LPP: variants seen among roughly 807,000 people sequenced by gnomAD.
LPP encodes the protein lipoma-preferred partner.
LPP carries 38 observed loss-of-function variants against 60.4 expected under a neutral mutation model. The ratio of observed to expected loss-of-function variants is 0.63; its 90% CI spans 0.49 to 0.83. The LOEUF (loss-of-function observed/expected upper bound fraction) is 0.83, where lower values mean the gene tolerates loss of function less well. Ranked by LOEUF, LPP falls within the 40% of genes least tolerant of loss-of-function variation. The pLI is 0.00. For synonymous variants in LPP, 328 were observed against 290.8 expected, an observed-to-expected ratio of 1.13 and a Z score of -1.30; for missense variants, 902 against 783.6, an observed-to-expected ratio of 1.15 and a Z score of -1.80.
chr3:188,260,323 G>A lies in LPP; in HGVS notation c.-67+34796G>A, dbSNP rs573913030. 2.4e-3 allele frequency among the ~76,000 whole-genome samples: 358 copies of A among 152,226 alleles called. 1 individual carries two copies. Among genetic ancestry groups the A allele is most frequent in the Non-Finnish European group, 4.0e-3 (269 of 68,022 alleles). ...CTCACAAAGTGCTGGGATTAGAGGC[G>A]TGAGCCACTGTGCCTGGCCACTTCC... On this transcript the variant is annotated intron_variant, in intron 2 of 11. Coordinates refer to ENST00000617246, the MANE Select transcript of LPP (RefSeq NM_001375462.1).
At chr3:188,706,532 A>C (rs1865510438) in intron 7 of LPP, among the ~76,000 whole-genome samples, 1 of 152,242 alleles carries the variant, frequency 6.6e-6, no homozygotes, top group Non-Finnish European at 1.5e-5. Flanking sequence ...ATTTTAGAGA[A>C]AAGGCCAAAT....
chr3:188,737,016 TA>T (rs1023863088), intron 8 of LPP, among the ~76,000 whole-genome samples: 16 of 151,952 alleles, frequency 1.1e-4, no homozygotes, highest in African/African-American at 2.9e-4. Context: ...CAAATTTATA[TA>T]AAAAAATGGG....
intron 6 of LPP, among the ~76,000 whole-genome samples, chr3:188,588,772 G>T (rs1236824855): frequency 6.6e-6 from 1 of 152,042 alleles, no homozygotes; most frequent in Admixed American, 6.6e-5. Context: ...TTGTTTGCTG[G>T]AAACAGGATC....
chr3:188,783,808 C>T (rs1399861632), intron 9 of LPP, among the ~76,000 whole-genome samples: 3 of 152,064 alleles, frequency 2.0e-5, no homozygotes, highest in Non-Finnish European at 4.4e-5. Flanking sequence ...TAGCTGAGGA[C>T]ATCAGGGACT....
chr3:188,708,231 T>A, intron 7 of LPP, 36 bp from the exon 8 acceptor site: 1 of 1,610,946 alleles, frequency 6.2e-7, no homozygotes, highest in Non-Finnish European at 8.5e-7. Flanking sequence ...ATGGTCTAGG[T>A]GGCAATTAAA....
intron 9 of LPP, among the ~76,000 whole-genome samples, chr3:188,765,882 T>C (rs1000248315): frequency 1.7e-4 from 25 of 143,466 alleles, no homozygotes; most frequent in Non-Finnish European, 3.2e-4. Flanking sequence ...TTTTTTTTTT[T>C]TTTTTGGAGA....
rs560211647 is a variant in LPP, at chr3:188,676,943, C to T, written c.1114-31324C>T. Among the ~76,000 whole-genome samples, 3 of 152,288 alleles carry T rather than the reference C, an allele frequency of 2.0e-5. No individual in the cohort carries two copies. In the East Asian group the frequency reaches 5.8e-4, roughly 29 times the overall value. On this transcript the variant is annotated intron_variant, in intron 7 of 11. Transcript: ENST00000617246. The stretch of plus-strand genomic sequence containing the variant: ...CCCTTGTAGGCTTTAAAGAAACAGG[C>T]TGCCATGTTGTCAGCTGCCACCTGG...
chr3:188,803,045 C>CTTTTTTTTTTT lies in LPP; in HGVS notation c.1410+42770_1410+42780dup, dbSNP rs374563246. Among the ~76,000 whole-genome samples, 13 of 130,476 alleles carry CTTTTTTTTTTT rather than the reference C, an allele frequency of 1.0e-4. 4 individuals carry two copies. The highest frequency in any genetic ancestry group is 1.4e-4 in the Non-Finnish European group (9 of 62,748). 85.6% of individuals were successfully genotyped at this position (130,476 alleles called of 152,430 possible). A position where few individuals can be genotyped will look rare whatever the true frequency, so the allele number is the denominator to read the frequency against. On this transcript the variant is annotated intron_variant, in intron 9 of 11. Coordinates refer to ENST00000617246, the MANE Select transcript of LPP (RefSeq NM_001375462.1). ...GATTAAAATACTTTTGTTGTATATGCTTTTTTTTTTTTTTTTTGAGACAGG... is the reference window on the plus strand; with the variant it reads ...GATTAAAATACTTTTGTTGTATATGCTTTTTTTTTTTTTTTTTTTTTTTTTTTTGAGACAGG...
In LPP at chr3:188,217,283, CA is replaced by C. The variant is rs1714015308; in HGVS notation, c.-189-8119del. Among the ~76,000 whole-genome samples, 1 of 152,074 alleles carries C rather than the reference CA, an allele frequency of 6.6e-6. No homozygotes were observed. The highest frequency in any genetic ancestry group is 6.6e-5 in the Admixed American group (1 of 15,254). On this transcript the variant is annotated intron_variant, in intron 1 of 11. Coordinates refer to ENST00000617246, the MANE Select transcript of LPP (RefSeq NM_001375462.1). The surrounding 1 kb of genome is among the most constrained non-coding windows in gnomAD (Gnocchi z 4.0). ...CTGCAGGCAGTGGAGACGGTCAATG[CA>C]AAGGTCAAGGCTGTGAAGTGGGAAG...
Position 188,605,095 on chromosome 3 carries a change from T to TG in LPP, c.430-4065dup. 2.0e-5 allele frequency among the ~76,000 whole-genome samples: 3 copies of TG among 152,256 alleles called. 1 individual carries two copies. In the Middle Eastern group the frequency reaches 0.01, roughly 518 times the overall value. On this transcript the variant is annotated intron_variant, in intron 6 of 11. Transcript: ENST00000617246. ...TGCATCCATCATTCCCCTAACCTGT[T>TG]GAAGATTTTTGAGCAGGAAAGCAAT...
chr3:188,715,072 C>G (rs1713255611), intron 8 of LPP, among the ~76,000 whole-genome samples: 1 of 152,028 alleles, frequency 6.6e-6, no homozygotes, highest in Non-Finnish European at 1.5e-5. Context: ...AAAGGAGGCT[C>G]TCAGTTCTAG....
At chr3:188,601,861 G>T (rs1017695846) in intron 6 of LPP, among the ~76,000 whole-genome samples, 3 of 151,898 alleles carry the variant, frequency 2.0e-5, no homozygotes, top group Non-Finnish European at 4.4e-5. Flanking sequence ...TTGAGGTCAG[G>T]AGTTCCAGAC....
At chr3:188,271,729 T>C (rs1298341757) in intron 2 of LPP, among the ~76,000 whole-genome samples, 1 of 152,186 alleles carries the variant, frequency 6.6e-6, no homozygotes, top group Non-Finnish European at 1.5e-5. Context: ...CAAACCAAAG[T>C]TGTCCTCTTC....
intron 8 of LPP, among the ~76,000 whole-genome samples, chr3:188,749,895 C>G (rs890505052): frequency 6.6e-6 from 1 of 152,150 alleles, no homozygotes; most frequent in African/African-American, 2.4e-5. Context: ...ACTGTATGGA[C>G]AAAATCTTTT....
intron 2 of LPP, among the ~76,000 whole-genome samples, chr3:188,254,190 CA>C (rs1730882203): frequency 6.6e-6 from 1 of 152,128 alleles, no homozygotes; most frequent in African/African-American, 2.4e-5. Flanking sequence ...TGATGTATTC[CA>C]AAACTGCAAA....
In LPP at chr3:188,484,718, T is replaced by G. The variant is rs2149674359; in HGVS notation, c.306+14T>G. ...TTCAAAGTACAGGTAAGAGCTGAAGTTAAAGTCATGTTAGGTAAGAGCTGA... is the reference window on the plus strand; with the variant it reads ...TTCAAAGTACAGGTAAGAGCTGAAGGTAAAGTCATGTTAGGTAAGAGCTGA... On this transcript the variant is annotated intron_variant, in intron 5 of 11. Transcript: ENST00000617246. The G allele has an allele frequency of 6.3e-7, 1 of 1,576,166 alleles. No homozygotes were observed. The highest frequency in any genetic ancestry group is 2.2e-5 in the East Asian group (1 of 44,666).
intron 7 of LPP, among the ~76,000 whole-genome samples, chr3:188,655,449 A>G (rs756758237): frequency 2.6e-5 from 4 of 152,206 alleles, no homozygotes; most frequent in Admixed American, 6.5e-5. Context: ...AAATTGGCAG[A>G]CAGAATTAGG....
At chr3:188,257,068 G>A (rs565429273) in intron 2 of LPP, among the ~76,000 whole-genome samples, 4 of 152,276 alleles carry the variant, frequency 2.6e-5, no homozygotes, top group East Asian at 1.9e-4. Context: ...TTATGAGGTC[G>A]TGGTGAAGCC....
chr3:188,190,688 T>A (rs966130656), intron 1 of LPP, among the ~76,000 whole-genome samples: 4 of 152,156 alleles, frequency 2.6e-5, no homozygotes, highest in African/African-American at 9.7e-5. Flanking sequence ...CAGAGTTGCA[T>A]GTTGTGTTTT....
Sources: allele counts gnomAD v4.1 joint callset (sites outside exome capture counted in the v4.1 genomes callset), GRCh38; gene constraint gnomAD v4.1.1; non-coding constraint Gnocchi (gnomAD v3.1); transcripts MANE v1.5; gene names NCBI Gene and HGNC (gene_info 2026-07-23, HGNC 2026-07-21).